The following CDK5RAP2 variants were observed in gnomAD, a reference collection of about 807,000 sequenced individuals.
The protein encoded by CDK5RAP2 is CDK5 regulatory subunit-associated protein 2.
CDK5RAP2 carries 147 observed loss-of-function variants against 232.9 expected under a neutral mutation model. That is an observed-to-expected ratio of 0.63 (90% CI 0.55 to 0.72). CDK5RAP2 has a LOEUF of 0.72. Ranked by LOEUF, CDK5RAP2 falls within the 30% of genes least tolerant of loss-of-function variation. The pLI is 0.00. For missense variants in CDK5RAP2, 2,195 were observed against 2,231.5 expected (o/e 0.98, Z 0.33); for synonymous variants, 833 against 833.7 (o/e 1.00, Z 0.01).
intron 36 of CDK5RAP2, among the ~76,000 whole-genome samples, chr9:120,392,354 A>T (rs966531190): frequency 1.3e-5 from 2 of 152,212 alleles, no homozygotes; most frequent in African/African-American, 2.4e-5. Context: ...CAGGTCACAT[A>T]GGAGAATGGA....
chr9:120,578,882 T>C (rs2043139243), intron 1 of CDK5RAP2, among the ~76,000 whole-genome samples: 1 of 152,164 alleles, frequency 6.6e-6, no homozygotes, highest in Non-Finnish European at 1.5e-5. Flanking sequence ...CACTCTTAAG[T>C]GTCCCAGTTA....
At chr9:120,398,445 T>C (rs775037127) in intron 35 of CDK5RAP2, among the ~76,000 whole-genome samples, 1 of 152,182 alleles carries the variant, frequency 6.6e-6, no homozygotes, top group African/African-American at 2.4e-5. Flanking sequence ...CTACTAGAAA[T>C]GTGTGGTCAA....
At chr9:120,511,518 G>A (rs567397935) in intron 12 of CDK5RAP2, among the ~76,000 whole-genome samples, 3 of 152,306 alleles carry the variant, frequency 2.0e-5, no homozygotes, top group African/African-American at 7.2e-5. Context: ...TGTTGAAGAT[G>A]CTATAAACTG....
At position 120,437,435 on chromosome 9, in the gene CDK5RAP2, T is replaced by G; in HGVS notation, c.3815A>C (p.Gln1272Pro). Residue 1272 changes from glutamine to proline, a missense_variant, in exon 25 of 38, where the codon CAA (glutamine) becomes CCA (proline). Transcript: ENST00000349780. Reference sequence around the variant, plus strand: ...TGCCTTAATCATGGTGTTCATGTGTTGACGGGAGATGACACAGATGCCATG... The same window carrying G: ...TGCCTTAATCATGGTGTTCATGTGTGGACGGGAGATGACACAGATGCCATG... ...DGHGICVISR[Q>P]HMNTMIKAFE... 2 of 1,614,048 alleles carry G rather than the reference T, an allele frequency of 1.2e-6. No homozygotes were observed. The highest frequency in any genetic ancestry group is 1.7e-6 in the Non-Finnish European group (2 of 1,179,924).
Position 120,571,856 on chromosome 9 carries a change from G to A in CDK5RAP2, c.127+118C>T, listed in dbSNP as rs148730974. ...ATACAAAAAATACTGAGCACCTACG[G>A]TGTGCCAGTTCAGGGAAGCCTCTGG... On this transcript the variant is annotated intron_variant, in intron 2 of 37. Coordinates refer to ENST00000349780, the MANE Select transcript of CDK5RAP2 (RefSeq NM_018249.6). The A allele has an allele frequency of 1.3e-3, 1,032 of 774,768 alleles. 7 individuals carry two copies. The African/African-American group carries it at 0.015, about 12-fold the overall frequency. The allele number at this position is 774,768 out of a possible 1,614,324, so 48.0% of individuals were successfully genotyped here.
intron 28 of CDK5RAP2, 65 bp downstream of exon 28, chr9:120,414,974 CA>C: frequency 6.3e-7 from 1 of 1,585,914 alleles, no homozygotes; most frequent in Non-Finnish European, 8.7e-7. Flanking sequence ...GATGCTTACT[CA>C]GGCAAATGCG....
rs138176117 is a variant in CDK5RAP2 at position 120,549,611 on chromosome 9, G to A, written c.306+1181C>T. ...CCTGTAAGATGAAGATAAACTCCAC[G>A]GCACAGGACTGTCATGAGAATTACA... On this transcript the variant is annotated intron_variant, in intron 4 of 37. Transcript: ENST00000349780. Among the ~76,000 whole-genome samples the A allele has an allele frequency of 7.4e-3, 1,120 of 152,206 alleles. 16 individuals carry two copies. The highest frequency in any genetic ancestry group is 0.025 in the African/African-American group (1,035 of 41,508).
chr9:120,514,898 A>G (rs1465990801), intron 12 of CDK5RAP2, among the ~76,000 whole-genome samples: 3 of 152,228 alleles, frequency 2.0e-5, no homozygotes, highest in Non-Finnish European at 2.9e-5. Flanking sequence ...GTTTACATGA[A>G]TAAGTAAATT....
At chr9:120,544,956 T>C (rs2041780127) in intron 5 of CDK5RAP2, among the ~76,000 whole-genome samples, 1 of 152,230 alleles carries the variant, frequency 6.6e-6, no homozygotes, top group African/African-American at 2.4e-5. Context: ...TACTATGTAA[T>C]AAATGTTTAC....
chr9:120,401,895 A>T (rs1043735826), intron 34 of CDK5RAP2, among the ~76,000 whole-genome samples: 9 of 151,996 alleles, frequency 5.9e-5, no homozygotes, highest in Admixed American at 5.9e-4. Flanking sequence ...GAGGGAGGAG[A>T]ATCACTTGAG....
chr9:120,456,132 G>C (rs1440175460), intron 20 of CDK5RAP2, among the ~76,000 whole-genome samples: 2 of 152,130 alleles, frequency 1.3e-5, no homozygotes, highest in African/African-American at 2.4e-5. Context: ...GAAAATTATG[G>C]GAAAATAAAT....
Position 120,455,400 on chromosome 9 carries a change from C to A in CDK5RAP2, c.2376-1527G>T, listed in dbSNP as rs961935007. Among the ~76,000 whole-genome samples, 18 of 150,454 alleles carry A rather than the reference C, an allele frequency of 1.2e-4. 1 individual carries two copies. The East Asian group carries it at 2.9e-3, about 24-fold the overall frequency. On this transcript the variant is annotated intron_variant, in intron 20 of 37. Coordinates refer to ENST00000349780, the MANE Select transcript of CDK5RAP2 (RefSeq NM_018249.6). ...AAAAAAAAAAAAAAAACGAAGGCCA[C>A]TGAAAGGCCCTGCGATGGACTGGGC...
At chr9:120,530,185 T>C (rs2041086995) in intron 7 of CDK5RAP2, 45 bp from the exon 8 acceptor site, 3 of 1,498,478 alleles carry the variant, frequency 2.0e-6, no homozygotes, top group South Asian at 2.3e-5. Flanking sequence ...GCTGTTCTCT[T>C]AGCTCAGTGG....
In CDK5RAP2 at chr9:120,419,939, G is replaced by C. The variant is rs770766697; in HGVS notation, c.4026C>G (p.Thr1342=). 6.2e-7 allele frequency: 1 copy of C among 1,613,914 alleles called. No individual in the cohort carries two copies. The highest frequency in any genetic ancestry group is 8.5e-7 in the Non-Finnish European group (1 of 1,179,776). ...GAGATTCAGGCAGAAGATGTTGGTA[G>C]GTTAAGTTGTCTTCCTCAATCCTTA... ...LMERIEEDNL[T]YQHLLPESPE... is the part of the protein sequence containing the mutation. The change falls in exon 27 of 38, where the codon ACC becomes ACG. Residue 1342 remains threonine, a synonymous_variant. Coordinates refer to ENST00000349780, the MANE Select transcript of CDK5RAP2 (RefSeq NM_018249.6).
chr9:120,403,971 G>T lies in CDK5RAP2; in HGVS notation c.5041+65C>A. ...TTGGGACCAGGGACCCCCCTTTTCTGCAAGTTAAAAAGTCTTACTGTCACA... is the reference window on the plus strand; with the variant it reads ...TTGGGACCAGGGACCCCCCTTTTCTTCAAGTTAAAAAGTCTTACTGTCACA... On this transcript the variant is annotated intron_variant, in intron 33 of 37. Coordinates refer to ENST00000349780, the MANE Select transcript of CDK5RAP2 (RefSeq NM_018249.6). This position sits in a 1 kb window ranked among gnomAD's most constrained non-coding sequence, Gnocchi z 4.2. The T allele has an allele frequency of 2.6e-6, 3 of 1,132,428 alleles. No homozygotes were observed. The highest frequency in any genetic ancestry group is 2.3e-5 in the East Asian group (1 of 42,620). The allele number at this position is 1,132,428 out of a possible 1,614,324, so 70.1% of individuals were successfully genotyped here. A position where few individuals can be genotyped will look rare whatever the true frequency, so the allele number is the denominator to read the frequency against.
chr9:120,431,714 T>C (rs1053915636), intron 25 of CDK5RAP2, among the ~76,000 whole-genome samples: 1 of 152,244 alleles, frequency 6.6e-6, no homozygotes, highest in Non-Finnish European at 1.5e-5. Flanking sequence ...GAGCTATCTT[T>C]GTTCATGTGG....
chr9:120,466,578 A>G (rs1445898862), intron 18 of CDK5RAP2, among the ~76,000 whole-genome samples: 1 of 152,214 alleles, frequency 6.6e-6, no homozygotes, highest in Non-Finnish European at 1.5e-5. Context: ...TGAACAAACA[A>G]AACACACCAT....
chr9:120,458,274 GC>G (rs2036895187), intron 20 of CDK5RAP2, among the ~76,000 whole-genome samples, 175 bp downstream of exon 20: 1 of 152,156 alleles, frequency 6.6e-6, no homozygotes, highest in African/African-American at 2.4e-5. Context: ...TCCCCTCACA[GC>G]CACTAGCATG....
intron 5 of CDK5RAP2, among the ~76,000 whole-genome samples, chr9:120,543,235 A>C (rs1406739884): frequency 6.6e-6 from 1 of 152,148 alleles, no homozygotes; most frequent in African/African-American, 2.4e-5. Context: ...CAACCACTGG[A>C]CTAGCTTCCT....
Sources: gnomAD v4.1 joint callset for allele counts (sites outside exome capture counted in the v4.1 genomes callset) on GRCh38, gnomAD v4.1.1 for gene constraint, Gnocchi (gnomAD v3.1) non-coding constraint, MANE v1.5 for transcripts, NCBI Gene and HGNC (gene_info 2026-07-23, HGNC 2026-07-21) for gene names.